Variants in LRRC4C observed in about 807,000 individuals in gnomAD.
LRRC4C encodes the protein leucine rich repeat containing 4C.
Under a neutral mutation model 33.6 loss-of-function variants are expected in LRRC4C, and 5 were observed. That is an observed-to-expected ratio of 0.15 (90% CI 0.08 to 0.31). The LOEUF is 0.31. LRRC4C is among the 10% of genes least tolerant of loss of function. The probability of loss-of-function intolerance (pLI) is 1.00; values close to 1 mark genes in which losing one functional copy is unlikely to be tolerated. For synonymous variants in LRRC4C, 329 were observed against 302.0 expected (o/e 1.09, Z -0.93); for missense variants, 560 against 796.7 (o/e 0.70, Z 3.58).
At chr11:41,366,292 C>T (rs1591362044) in intron 1 of LRRC4C, among the ~76,000 whole-genome samples, 1 of 151,882 alleles carries the variant, frequency 6.6e-6, no homozygotes. Context: ...TTATTCCTGC[C>T]AGTCCACTCT....
chr11:40,176,229 A>C (rs945950450), intron 5 of LRRC4C, among the ~76,000 whole-genome samples: 4 of 152,174 alleles, frequency 2.6e-5, no homozygotes, highest in Admixed American at 6.5e-5. Flanking sequence ...CAAGTGGTAT[A>C]ATAAGACTGC....
intron 1 of LRRC4C, among the ~76,000 whole-genome samples, chr11:41,375,715 T>A (rs1014089639): frequency 5.3e-5 from 8 of 152,120 alleles, no homozygotes; most frequent in Non-Finnish European, 1.2e-4. Flanking sequence ...AACTATGAAT[T>A]AATAGCTATC....
chr11:40,425,282 T>C (rs1354454612), intron 3 of LRRC4C, among the ~76,000 whole-genome samples: 4 of 152,166 alleles, frequency 2.6e-5, no homozygotes, highest in Non-Finnish European at 4.4e-5. Flanking sequence ...ATGAAGTTAA[T>C]TGCAGATAAG....
In LRRC4C at chr11:41,201,921, A is replaced by AAC. The variant is rs72276649; in HGVS notation, c.-496+257508_-496+257509dup. On this transcript the variant is annotated intron_variant, in intron 1 of 6. Coordinates refer to ENST00000528697, the MANE Select transcript of LRRC4C (RefSeq NM_001258419.2). ...ACACACACACACATACACACACACA[A>AAC]ACACACACACACACACACACACACA... Among the ~76,000 whole-genome samples, 230 of 150,742 alleles carry AAC rather than the reference A, an allele frequency of 1.5e-3. 1 individual carries two copies. Among genetic ancestry groups the AAC allele is most frequent in the Middle Eastern group, 6.9e-3 (2 of 290 alleles).
At chr11:40,938,722 C>T (rs552883512) in intron 1 of LRRC4C, among the ~76,000 whole-genome samples, 1 of 152,248 alleles carries the variant, frequency 6.6e-6, no homozygotes, top group South Asian at 2.1e-4. Flanking sequence ...GACACTCTAC[C>T]ATTCTTCTCA....
chr11:40,607,608 T>A (rs943122571), intron 3 of LRRC4C, among the ~76,000 whole-genome samples: 22 of 152,210 alleles, frequency 1.4e-4, no homozygotes, highest in African/African-American at 5.1e-4. Context: ...ACCTTCCCAC[T>A]CCATCTCCCT....
chr11:40,638,159 CAACAT>C (rs1941876021), intron 3 of LRRC4C, among the ~76,000 whole-genome samples: 1 of 152,158 alleles, frequency 6.6e-6, no homozygotes, highest in African/African-American at 2.4e-5. Context: ...GTCCCCCATT[CAACAT>C]AACATATTTA....
At chr11:40,681,843 G>A (rs959912620) in intron 2 of LRRC4C, among the ~76,000 whole-genome samples, 9 of 152,164 alleles carry the variant, frequency 5.9e-5, no homozygotes, top group African/African-American at 2.2e-4. Flanking sequence ...AGTAACTCAG[G>A]AATGGAAAAC....
chr11:40,339,227 A>G (rs1420234603), intron 3 of LRRC4C, among the ~76,000 whole-genome samples: 1 of 152,202 alleles, frequency 6.6e-6, no homozygotes, highest in Non-Finnish European at 1.5e-5. Context: ...ACAAGGTTGT[A>G]GTCAGGTATG....
intron 1 of LRRC4C, among the ~76,000 whole-genome samples, chr11:41,191,401 A>T (rs1945940324): frequency 6.6e-6 from 1 of 151,998 alleles, no homozygotes; most frequent in Non-Finnish European, 1.5e-5. Context: ...GATTAAAGTC[A>T]CTCTTTTCCC....
In LRRC4C at chr11:40,851,685, C is replaced by A. The variant is rs191621130; in HGVS notation, c.-407+81950G>T. 7.1e-4 allele frequency among the ~76,000 whole-genome samples: 108 copies of A among 152,228 alleles called. 1 individual carries two copies. Among genetic ancestry groups the A allele is most frequent in the Admixed American group, 7.0e-3 (107 of 15,286 alleles). On this transcript the variant is annotated intron_variant, in intron 2 of 6. Transcript: ENST00000528697. The stretch of plus-strand genomic sequence containing the variant: ...TTCCCAGCTACTCAGGAGGCTGAGC[C>A]AGGAGAATTGCTTGAATCCAGGAGG...
At chr11:40,903,572 T>A (rs1402074801) in intron 2 of LRRC4C, among the ~76,000 whole-genome samples, 1 of 152,160 alleles carries the variant, frequency 6.6e-6, no homozygotes, top group African/African-American at 2.4e-5. Context: ...GATTCACCAT[T>A]CTAGATGCCA....
chr11:40,485,738 A>G (rs543474699), intron 3 of LRRC4C, among the ~76,000 whole-genome samples: 22 of 152,210 alleles, frequency 1.4e-4, no homozygotes, highest in African/African-American at 4.8e-4. Flanking sequence ...CACAAAAGAC[A>G]TGGAATCAAT....
At chr11:41,191,791 C>T (rs1945961578) in intron 1 of LRRC4C, among the ~76,000 whole-genome samples, 1 of 152,064 alleles carries the variant, frequency 6.6e-6, no homozygotes, top group African/African-American at 2.4e-5. Flanking sequence ...ATAAGATATA[C>T]TTGGAAAAGG....
intron 4 of LRRC4C, among the ~76,000 whole-genome samples, chr11:40,275,575 G>A (rs886208768): frequency 2.6e-5 from 4 of 151,984 alleles, no homozygotes; most frequent in African/African-American, 4.8e-5. Flanking sequence ...CTAAATTACC[G>A]CTCATCCAAT....
chr11:41,368,738 A>C (rs989518448), intron 1 of LRRC4C, among the ~76,000 whole-genome samples: 1 of 152,176 alleles, frequency 6.6e-6, no homozygotes, highest in Admixed American at 6.5e-5. Flanking sequence ...ATAAATAAGG[A>C]GACTCAGTTA....
intron 3 of LRRC4C, among the ~76,000 whole-genome samples, chr11:40,375,841 A>C (rs1590509390): frequency 6.6e-6 from 1 of 152,214 alleles, no homozygotes; most frequent in South Asian, 2.1e-4. Flanking sequence ...CAACTAGGAA[A>C]CCTGGTTTCA....
intron 1 of LRRC4C, among the ~76,000 whole-genome samples, chr11:41,360,119 G>T (rs1418433695): frequency 6.6e-6 from 1 of 152,162 alleles, no homozygotes; most frequent in Non-Finnish European, 1.5e-5. Context: ...GGAGGCGGAG[G>T]TGGCAGTGAG....
At chr11:40,195,991 C>T (rs1198014864) in intron 5 of LRRC4C, among the ~76,000 whole-genome samples, 1 of 152,146 alleles carries the variant, frequency 6.6e-6, no homozygotes, top group African/African-American at 2.4e-5. Context: ...TTCTGGCTGT[C>T]AAAGACACCT....
Sources: allele counts gnomAD v4.1 joint callset (sites outside exome capture counted in the v4.1 genomes callset), GRCh38; gene constraint gnomAD v4.1.1; transcripts MANE v1.5; gene names NCBI Gene and HGNC (gene_info 2026-07-23, HGNC 2026-07-21).